NELL1: variants seen among roughly 807,000 people sequenced by gnomAD.
NELL1 encodes the protein protein kinase C-binding protein NELL1.
Under a neutral mutation model 107.4 loss-of-function variants are expected in NELL1, and 76 were observed. That is an observed-to-expected ratio of 0.71 (90% confidence interval 0.59 to 0.86). The LOEUF (loss-of-function observed/expected upper bound fraction) is 0.86, where lower values mean the gene tolerates loss of function less well. NELL1 is among the 40% of genes least tolerant of loss of function. The pLI is 0.00. For synonymous variants in NELL1, 353 were observed against 341.2 expected, an observed-to-expected ratio of 1.03 and a Z score of -0.38; for missense variants, 1,024 against 1,005.5, an observed-to-expected ratio of 1.02 and a Z score of -0.25.
At chr11:20,692,321 C>T (rs1854489809) in intron 2 of NELL1, among the ~76,000 whole-genome samples, 1 of 151,806 alleles carries the variant, frequency 6.6e-6, no homozygotes, top group Non-Finnish European at 1.5e-5. Context: ...TTCTTGCCTT[C>T]TGCTAGCTTT....
intron 14 of NELL1, among the ~76,000 whole-genome samples, chr11:21,238,172 C>A (rs963980491): frequency 6.6e-6 from 1 of 152,032 alleles, no homozygotes; most frequent in Admixed American, 6.6e-5. Context: ...ATAAAACAAT[C>A]TTAAGTATTT....
intron 13 of NELL1, among the ~76,000 whole-genome samples, chr11:21,225,262 A>C (rs542456548): frequency 2.8e-4 from 43 of 152,054 alleles, no homozygotes; most frequent in Non-Finnish European, 5.1e-4. Flanking sequence ...GGGGAGTGCA[A>C]AGGACTCAGT....
At chr11:21,131,301 T>C (rs1855610667) in intron 13 of NELL1, among the ~76,000 whole-genome samples, 1 of 152,212 alleles carries the variant, frequency 6.6e-6, no homozygotes, top group African/African-American at 2.4e-5. Flanking sequence ...AGCAATGTTA[T>C]TATCCACCTA....
intron 12 of NELL1, among the ~76,000 whole-genome samples, chr11:21,057,274 A>G (rs1853635722): frequency 6.6e-6 from 1 of 152,082 alleles, no homozygotes; most frequent in African/African-American, 2.4e-5. Context: ...GATTAGATGC[A>G]TTTTTCATCT....
intron 12 of NELL1, among the ~76,000 whole-genome samples, chr11:21,046,677 A>AT (rs1853361700): frequency 3.5e-3 from 496 of 143,616 alleles, no homozygotes; most frequent in Non-Finnish European, 5.0e-3. Context: ...TATTTACTCA[A>AT]TTATTTATTT....
chr11:21,286,307 G>C (rs1031118913), intron 14 of NELL1, among the ~76,000 whole-genome samples: 5 of 152,176 alleles, frequency 3.3e-5, no homozygotes, highest in African/African-American at 1.2e-4. Flanking sequence ...AAACAGGAAA[G>C]AGTCTATGTA....
chr11:20,881,231 A>G (rs1450541458), intron 4 of NELL1, among the ~76,000 whole-genome samples: 2 of 152,258 alleles, frequency 1.3e-5, no homozygotes, highest in Admixed American at 1.3e-4. Flanking sequence ...ACAGCAGGAC[A>G]TCCCAGGATA....
At chr11:21,136,658 A>G (rs10766768) in intron 13 of NELL1, among the ~76,000 whole-genome samples, 73,167 of 152,000 alleles carry the variant, frequency 0.48, 17,860 homozygotes, top group African/African-American at 0.52. Context: ...CTGTATTACT[A>G]TCTCTAAGTG....
intron 4 of NELL1, among the ~76,000 whole-genome samples, chr11:20,873,767 CTT>C (rs34217570): frequency 3.1e-4 from 42 of 135,640 alleles, no homozygotes; most frequent in Admixed American, 3.0e-4. Context: ...GAATATTTGA[CTT>C]TTTTTTTTTT....
chr11:20,851,018 G>C (rs894258582), intron 4 of NELL1, among the ~76,000 whole-genome samples: 2 of 152,094 alleles, frequency 1.3e-5, no homozygotes, highest in Admixed American at 6.6e-5. Context: ...CCACCCTCCA[G>C]GTCACCTCCA....
chr11:21,163,269 GATCTCATCCTTCAGA>G (rs1413024018), intron 13 of NELL1, among the ~76,000 whole-genome samples: 1 of 152,192 alleles, frequency 6.6e-6, no homozygotes, highest in Non-Finnish European at 1.5e-5. Context: ...ACTGTGCTAG[GATCTCATCCTTCAGA>G]ATTTAGTTTA....
At chr11:21,294,586 T>A (rs1173736285) in intron 14 of NELL1, among the ~76,000 whole-genome samples, 1 of 152,078 alleles carries the variant, frequency 6.6e-6, no homozygotes, top group East Asian at 1.9e-4. Flanking sequence ...TCTACATGAT[T>A]TGTATTTATT....
chr11:21,441,399 T>C (rs1853282273), intron 15 of NELL1, among the ~76,000 whole-genome samples: 1 of 150,808 alleles, frequency 6.6e-6, no homozygotes, highest in African/African-American at 2.4e-5. Context: ...ATATGGTATG[T>C]TCCGAACTGT....
Position 20,866,996 on chromosome 11 carries a change from C to A in NELL1, c.507-18448C>A, listed in dbSNP as rs78631367. On this transcript the variant is annotated intron_variant, in intron 4 of 19. Transcript: ENST00000357134. ...ACTATGCATAGCTGGCTATGTTGGG[C>A]ACAAGACAGAATTCTGGGTCTTTAA... 4.9e-3 allele frequency among the ~76,000 whole-genome samples: 744 copies of A among 152,250 alleles called. 3 individuals carry two copies. Among genetic ancestry groups the A allele is most frequent in the African/African-American group, 0.017 (720 of 41,554 alleles).
At chr11:21,080,074 G>T (rs1854229982) in intron 12 of NELL1, among the ~76,000 whole-genome samples, 1 of 151,782 alleles carries the variant, frequency 6.6e-6, no homozygotes, top group South Asian at 2.1e-4. Flanking sequence ...TTTTATTAAG[G>T]GTTTGAAATG....
rs1160743081 is a variant in NELL1, at chr11:20,672,973, C to A, written c.55+3195C>A. ...TTTAAGTGATTCTCCTGCCTCAGCCCCCCCCCCCCCCCCCGAGTAGCTGGG... is the reference window on the plus strand; with the variant it reads ...TTTAAGTGATTCTCCTGCCTCAGCCACCCCCCCCCCCCCCGAGTAGCTGGG... On this transcript the variant is annotated intron_variant, in intron 1 of 19. Coordinates refer to ENST00000357134, the MANE Select transcript of NELL1 (RefSeq NM_006157.5). Among the ~76,000 whole-genome samples, 6 of 22,840 alleles carry A rather than the reference C, an allele frequency of 2.6e-4. 1 individual carries two copies. The highest frequency in any genetic ancestry group is 6.1e-4 in the Admixed American group (2 of 3,270). The allele number at this position is 22,840 out of a possible 152,430, so 15.0% of individuals were successfully genotyped here.
At chr11:20,714,128 T>TCCACACA (rs2133899670) in intron 2 of NELL1, among the ~76,000 whole-genome samples, 1 of 150,964 alleles carries the variant, frequency 6.6e-6, no homozygotes, top group East Asian at 2.0e-4. Context: ...GGTGTGAGTC[T>TCCACACA]CCACACACTG....
chr11:21,311,300 T>C (rs149747936), intron 14 of NELL1, among the ~76,000 whole-genome samples: 1 of 152,270 alleles, frequency 6.6e-6, no homozygotes, highest in Admixed American at 6.6e-5. Flanking sequence ...AAGGCGATTA[T>C]TTTGTTACTC....
At position 20,814,254 on chromosome 11, in the gene NELL1, A is replaced by G. The variant is rs550196363; in HGVS notation, c.335+30424A>G. Among the ~76,000 whole-genome samples the G allele has an allele frequency of 1.8e-4, 28 of 152,304 alleles. No homozygotes were observed. In the South Asian group the frequency reaches 5.2e-3, roughly 28 times the overall value. On this transcript the variant is annotated intron_variant, in intron 3 of 19. Transcript: ENST00000357134. ...CGTGATCCGCCCGCCTCGGCCTCCC[A>G]AAGTGCTGGGATTACAGGCGTGAGC... is the stretch of plus-strand genomic sequence containing the variant.
Sources: allele counts gnomAD v4.1 joint callset (sites outside exome capture counted in the v4.1 genomes callset), GRCh38; gene constraint gnomAD v4.1.1; transcripts MANE v1.5; gene names NCBI Gene and HGNC (gene_info 2026-07-23, HGNC 2026-07-21).